Variants in ANAPC1 observed in about 807,000 individuals in gnomAD.
ANAPC1 encodes the protein anaphase promoting complex subunit 1.
In ANAPC1, 36 loss-of-function variants were observed where a neutral mutation model predicts 208.0. The ratio of observed to expected loss-of-function variants is 0.17; its 90% confidence interval spans 0.13 to 0.23. The LOEUF is 0.23. Ranked by LOEUF, ANAPC1 falls within the 10% of genes least tolerant of loss-of-function variation. ANAPC1 has a pLI of 1.00. For synonymous variants in ANAPC1, 378 were observed against 695.2 expected (o/e 0.54, Z 7.18); for missense variants, 942 against 2,011.6 (o/e 0.47, Z 10.17).
intron 6 of ANAPC1, among the ~76,000 whole-genome samples, chr2:111,868,998 T>A (rs1395329854): frequency 6.6e-6 from 1 of 152,146 alleles, no homozygotes; most frequent in East Asian, 1.9e-4. Flanking sequence ...TGCCCTTCGG[T>A]GTGCTCATAA....
At chr2:111,841,823 T>C (rs543823916) in intron 17 of ANAPC1, among the ~76,000 whole-genome samples, 5 of 151,876 alleles carry the variant, frequency 3.3e-5, no homozygotes, top group Admixed American at 6.5e-5. Context: ...AAATAAGAAC[T>C]ATAAATAACT....
intron 18 of ANAPC1, 47 bp from the exon 19 acceptor site, chr2:111,834,919 TA>T: frequency 7.6e-7 from 1 of 1,316,396 alleles, no homozygotes; most frequent in Non-Finnish European, 9.9e-7. Flanking sequence ...AATACCTCCT[TA>T]TAATATCATA....
chr2:111,775,794 T>C (rs555317765), intron 46 of ANAPC1, among the ~76,000 whole-genome samples: 86 of 152,284 alleles, frequency 5.6e-4, no homozygotes, highest in Middle Eastern at 3.4e-3. Flanking sequence ...AAATGTTAAA[T>C]TGAATAAAAA....
At chr2:111,791,282 T>C (rs1209422138) in intron 38 of ANAPC1, among the ~76,000 whole-genome samples, 2 of 149,532 alleles carry the variant, frequency 1.3e-5, no homozygotes. Context: ...ACTATACCAA[T>C]AACAAGGGTT....
chr2:111,794,668 C>A (rs183425654), intron 35 of ANAPC1, 150 bp downstream of exon 35: 1 of 1,181,454 alleles, frequency 8.5e-7, no homozygotes, highest in Admixed American at 2.3e-5. Flanking sequence ...GAGCTTTAAC[C>A]AACGTCATGA....
intron 21 of ANAPC1, among the ~76,000 whole-genome samples, chr2:111,830,821 A>G (rs1680089132): frequency 6.6e-6 from 1 of 152,238 alleles, no homozygotes; most frequent in South Asian, 2.1e-4. Context: ...CCACTCTGGA[A>G]AACAGATGAC....
At chr2:111,865,156 G>C (rs944580081) in intron 7 of ANAPC1, among the ~76,000 whole-genome samples, 23 of 151,702 alleles carry the variant, frequency 1.5e-4, no homozygotes, top group African/African-American at 5.1e-4. Context: ...TTAAAGATGA[G>C]AGCATTACAA....
At position 111,862,618 on chromosome 2, in the gene ANAPC1, G is replaced by A. The variant is rs747117438; in HGVS notation, c.1053-20C>T. On this transcript the variant is annotated intron_variant, in intron 9 of 47. Transcript: ENST00000341068. ...GCACGACTGCAAAATAAACAGAGGA[G>A]AGAGTACATCACAGTTAGCAAGGCA... is the stretch of plus-strand genomic sequence containing the variant. The A allele has an allele frequency of 1.2e-6, 2 of 1,605,452 alleles. No individual in the cohort carries two copies. The highest frequency in any genetic ancestry group is 8.5e-7 in the Non-Finnish European group (1 of 1,176,406).
intron 13 of ANAPC1, among the ~76,000 whole-genome samples, chr2:111,851,198 G>T (rs921805926): frequency 1.3e-5 from 2 of 151,848 alleles, no homozygotes; most frequent in Admixed American, 6.6e-5. Flanking sequence ...AACCTACCAG[G>T]CTCAAGTGAT....
chr2:111,832,988 T>A (rs546035994), intron 20 of ANAPC1, among the ~76,000 whole-genome samples: 2 of 148,760 alleles, frequency 1.3e-5, no homozygotes, highest in Non-Finnish European at 3.0e-5. Flanking sequence ...TTCTCTGACT[T>A]TTGCAAGTCA....
chr2:111,823,516 G>A (rs1248771450), intron 24 of ANAPC1, among the ~76,000 whole-genome samples: 1 of 151,954 alleles, frequency 6.6e-6, no homozygotes, highest in Non-Finnish European at 1.5e-5. Flanking sequence ...AAAAAGAGAT[G>A]GAGAAAGGGG....
In ANAPC1 at chr2:111,872,689, T is replaced by C. The variant is rs779580300; in HGVS notation, c.552A>G (p.Lys184=). ...CGCTTCGTTCAAACAGCAATCCATA[T>C]TTAGTGGGCCAAACATTTGCAACCT... ...PFQVANVWPT[K]YGLLFERSAS... The change falls in exon 6 of 48, where the codon AAA becomes AAG. Residue 184 remains lysine, a synonymous_variant. Transcript: ENST00000341068. 1.2e-5 allele frequency: 20 copies of C among 1,613,520 alleles called. No homozygotes were observed. The highest frequency in any genetic ancestry group is 1.6e-5 in the Non-Finnish European group (19 of 1,179,654).
At chr2:111,870,532 C>A (rs968768114) in intron 6 of ANAPC1, among the ~76,000 whole-genome samples, 1 of 152,186 alleles carries the variant, frequency 6.6e-6, no homozygotes, top group Non-Finnish European at 1.5e-5. Flanking sequence ...ACTGTCTATT[C>A]ATGTCCTTTA....
In ANAPC1 at chr2:111,862,492, G is replaced by A; in HGVS notation, c.1159C>T (p.Pro387Ser). 6.2e-7 allele frequency: 1 copy of A among 1,611,474 alleles called. No homozygotes were observed. The highest frequency in any genetic ancestry group is 8.5e-7 in the Non-Finnish European group (1 of 1,179,492). The change falls in exon 10 of 48, where the codon CCA becomes TCA. Residue 387 changes from proline (P) to serine (S), a missense_variant. Transcript: ENST00000341068. ...AAGGAGCCATTAGAATTACTATTTG[G>A]AGAATGAGAAATACTATGTCTCTTT... ...SPKRHSISHS[P>S]NSNSNGSFLA... is the part of the protein sequence containing the mutation.
Position 111,842,611 on chromosome 2 carries a change from C to A in ANAPC1, c.2040+801G>T, listed in dbSNP as rs556674844. Among the ~76,000 whole-genome samples, 32 of 150,414 alleles carry A rather than the reference C, an allele frequency of 2.1e-4. No individual in the cohort carries two copies. The South Asian group carries it at 6.6e-3, about 31-fold the overall frequency. ...TGAGCTGAGATTGCGCCATTGCACT[C>A]CAGCCTGGGCGACAGAGCGACATTC... On this transcript the variant is annotated intron_variant, in intron 17 of 47. Transcript: ENST00000341068.
At chr2:111,883,079 T>C (rs923114748) in intron 1 of ANAPC1, among the ~76,000 whole-genome samples, 31 of 150,026 alleles carry the variant, frequency 2.1e-4, no homozygotes, top group Non-Finnish European at 4.3e-4. Flanking sequence ...AAGCAGAGAA[T>C]TGCTTGAACA....
In ANAPC1 at chr2:111,864,848, T is replaced by C; in HGVS notation, c.789A>G (p.Gln263=). 6.2e-7 allele frequency: 1 copy of C among 1,611,676 alleles called. No homozygotes were observed. Among genetic ancestry groups the C allele is most frequent in the Non-Finnish European group, 8.5e-7 (1 of 1,179,756 alleles). The stretch of plus-strand genomic sequence containing the variant: ...GGAGAGTCCACACAGAATGCACATT[T>C]TGAACAGCATCATAAGTCATTACAA... ...PSIVMTYDAV[Q]NVHSVWTLRR... Residue 263 remains glutamine, a synonymous_variant, in exon 8 of 48, where the codon CAA becomes CAG. Transcript: ENST00000341068.
chr2:111,838,642 G>C, intron 17 of ANAPC1, 130 bp from the exon 18 acceptor site: 2 of 634,126 alleles, frequency 3.2e-6, no homozygotes, highest in South Asian at 5.0e-5. Context: ...CTCATTTTTT[G>C]ATCTGGAAAG....
At chr2:111,836,558 G>A (rs1340188335) in intron 18 of ANAPC1, among the ~76,000 whole-genome samples, 2 of 151,492 alleles carry the variant, frequency 1.3e-5, no homozygotes, top group East Asian at 2.0e-4. Flanking sequence ...GAGGTAGGAG[G>A]ATGGCTTGAG....
Sources: allele counts gnomAD v4.1 joint callset (sites outside exome capture counted in the v4.1 genomes callset), GRCh38; gene constraint gnomAD v4.1.1; transcripts MANE v1.5; gene names NCBI Gene and HGNC (gene_info 2026-07-23, HGNC 2026-07-21).